The following CDH13 variants were observed in gnomAD, a reference collection of about 807,000 sequenced individuals.
CDH13 encodes the protein cadherin-13.
CDH13 carries 24 observed loss-of-function variants against 63.8 expected under a neutral mutation model. The observed-to-expected ratio is 0.38, with a 90% CI of 0.27 to 0.53. The LOEUF (loss-of-function observed/expected upper bound fraction) is 0.53. CDH13 is among the 20% of genes least tolerant of loss of function. The pLI is 0.85. For synonymous variants in CDH13, 503 were observed against 355.3 expected (o/e 1.42, Z -4.67); for missense variants, 1,049 against 903.1 (o/e 1.16, Z -2.07).
intron 6 of CDH13, among the ~76,000 whole-genome samples, chr16:83,465,148 C>G (rs1447370053): frequency 6.6e-6 from 1 of 152,146 alleles, no homozygotes; most frequent in Admixed American, 6.5e-5. Flanking sequence ...ACGAGCTAAA[C>G]AAATGAATTT....
intron 7 of CDH13, among the ~76,000 whole-genome samples, chr16:83,544,555 A>G (rs896936440): frequency 7.2e-5 from 11 of 152,192 alleles, no homozygotes; most frequent in African/African-American, 2.7e-4. Flanking sequence ...TCGTTATAAA[A>G]TAGGCATTAT....
intron 2 of CDH13, among the ~76,000 whole-genome samples, chr16:82,935,440 C>T (rs953140503): frequency 6.6e-6 from 1 of 152,212 alleles, no homozygotes; most frequent in African/African-American, 2.4e-5. Context: ...ATAGTTACAA[C>T]TGTTTTCATG....
At chr16:82,856,617 G>A (rs1317127560) in intron 1 of CDH13, among the ~76,000 whole-genome samples, 17 of 136,734 alleles carry the variant, frequency 1.2e-4, no homozygotes, top group African/African-American at 4.6e-4. Context: ...TGGGAGGATC[G>A]CTTGAGCCCA....
chr16:82,998,191 C>G (rs1433832685), intron 2 of CDH13, among the ~76,000 whole-genome samples: 2 of 152,172 alleles, frequency 1.3e-5, no homozygotes, highest in Admixed American at 1.3e-4. Flanking sequence ...TTCCTAAGAT[C>G]CTCACTTTGC....
chr16:83,708,772 T>C (rs55644533), intron 10 of CDH13, among the ~76,000 whole-genome samples: 42,726 of 152,168 alleles, frequency 0.28, 6,411 homozygotes, highest in Middle Eastern at 0.46. Context: ...TGCCTGTAAT[T>C]CCAGCACTTT....
At chr16:83,496,382 C>G (rs1170559548) in intron 7 of CDH13, among the ~76,000 whole-genome samples, 1 of 150,668 alleles carries the variant, frequency 6.6e-6, no homozygotes, top group Non-Finnish European at 1.5e-5. Flanking sequence ...TGATCTTTGA[C>G]AAACCTGAGA....
intron 5 of CDH13, among the ~76,000 whole-genome samples, chr16:83,230,961 GA>G (rs373530231): frequency 3.4e-3 from 517 of 152,304 alleles, no homozygotes; most frequent in African/African-American, 0.012. Flanking sequence ...AGACATCCTC[GA>G]AATACCATTT....
Position 82,740,786 on chromosome 16 carries a change from A to G in CDH13, c.45+113649A>G, listed in dbSNP as rs1327474564. Among the ~76,000 whole-genome samples, 3 of 152,224 alleles carry G rather than the reference A, an allele frequency of 2.0e-5. 1 individual carries two copies. Among genetic ancestry groups the G allele is most frequent in the South Asian group, 4.1e-4 (2 of 4,834 alleles). On this transcript the variant is annotated intron_variant, in intron 1 of 13. Transcript: ENST00000567109. ...TCAGTCACTTCCACCCACTGGGCAAAGCAAGTCCAATATCAATGGGGGAAC... is the reference window on the plus strand; with the variant it reads ...TCAGTCACTTCCACCCACTGGGCAAGGCAAGTCCAATATCAATGGGGGAAC...
intron 10 of CDH13, among the ~76,000 whole-genome samples, chr16:83,680,042 G>C (rs145606714): frequency 1.3e-5 from 2 of 152,274 alleles, no homozygotes; most frequent in African/African-American, 2.4e-5. Context: ...CTGCTGACTT[G>C]GGCAAAGAAA....
At chr16:83,687,468 A>G (rs917456502) in intron 10 of CDH13, among the ~76,000 whole-genome samples, 3 of 152,072 alleles carry the variant, frequency 2.0e-5, no homozygotes, top group Admixed American at 6.6e-5. Context: ...CTTTTAAACA[A>G]CCAGATCACG....
At chr16:82,904,300 T>C (rs544244641) in intron 2 of CDH13, among the ~76,000 whole-genome samples, 1 of 152,328 alleles carries the variant, frequency 6.6e-6, no homozygotes, top group East Asian at 1.9e-4. Context: ...GAAATCCTAG[T>C]ACTTCAGAAG....
chr16:82,882,718 G>C (rs1010270762), intron 2 of CDH13, among the ~76,000 whole-genome samples: 1 of 150,720 alleles, frequency 6.6e-6, no homozygotes, highest in East Asian at 1.9e-4. Flanking sequence ...AAACCTAACA[G>C]TATGTATGTC....
chr16:83,676,527 A>G (rs1914969326), intron 9 of CDH13, among the ~76,000 whole-genome samples: 1 of 152,226 alleles, frequency 6.6e-6, no homozygotes, highest in South Asian at 2.1e-4. Flanking sequence ...TTCTGGCATC[A>G]CTTGGGATGG....
At chr16:83,368,887 TATATATATATATA>T (rs2091306039) in intron 6 of CDH13, among the ~76,000 whole-genome samples, 397 of 37,988 alleles carry the variant, frequency 0.01, 43 homozygotes, top group Non-Finnish European at 0.013. Flanking sequence ...TTCCATGTTA[TATATATATATATA>T]TATATATATA....
At chr16:82,717,658 C>G (rs956707602) in intron 1 of CDH13, among the ~76,000 whole-genome samples, 1 of 152,170 alleles carries the variant, frequency 6.6e-6, no homozygotes, top group Non-Finnish European at 1.5e-5. Flanking sequence ...TCCAATATTC[C>G]TCTGCCCCCC....
intron 5 of CDH13, among the ~76,000 whole-genome samples, chr16:83,291,344 T>C (rs1474568876): frequency 6.6e-6 from 1 of 152,110 alleles, no homozygotes; most frequent in East Asian, 1.9e-4. Flanking sequence ...CTTTTCTCAT[T>C]CAACTTTTCA....
chr16:83,001,032 T>C (rs1456061852), intron 2 of CDH13, among the ~76,000 whole-genome samples: 1 of 152,240 alleles, frequency 6.6e-6, no homozygotes, highest in African/African-American at 2.4e-5. Flanking sequence ...ACTTGTCTCC[T>C]GAAAAACACA....
chr16:83,557,082 C>A (rs534091851), intron 7 of CDH13, among the ~76,000 whole-genome samples: 6 of 152,330 alleles, frequency 3.9e-5, no homozygotes, highest in African/African-American at 1.4e-4. Flanking sequence ...CCATTACTTC[C>A]TGAGCTCCTC....
intron 3 of CDH13, among the ~76,000 whole-genome samples, chr16:83,034,114 C>A (rs4300637): frequency 0.8 from 121,515 of 151,786 alleles, 49,012 homozygotes; most frequent in African/African-American, 0.9. Context: ...TGCAGAATAG[C>A]GAGGTTAAAC....
Sources: allele counts gnomAD v4.1 joint callset (sites outside exome capture counted in the v4.1 genomes callset), GRCh38; gene constraint gnomAD v4.1.1; transcripts MANE v1.5; gene names NCBI Gene and HGNC (gene_info 2026-07-23, HGNC 2026-07-21).